Variants in LRFN5 observed in about 807,000 individuals in gnomAD.
The protein encoded by LRFN5 is leucine rich repeat and fibronectin type III domain containing 5.
A neutral mutation model predicts 45.6 loss-of-function variants in LRFN5; 24 were observed. That is an observed-to-expected ratio of 0.53 (90% CI 0.38 to 0.74). The LOEUF is 0.74. LRFN5 is among the 30% of genes least tolerant of loss of function. LRFN5 has a pLI of 0.00. For missense variants in LRFN5, 776 were observed against 861.5 expected (o/e 0.90, Z 1.24); for synonymous variants, 340 against 313.8 (o/e 1.08, Z -0.88).
At chr14:41,894,264 G>C (rs956886626) in intron 4 of LRFN5, 1 of 977,030 alleles carries the variant, frequency 1.0e-6, no homozygotes, top group Non-Finnish European at 1.2e-6. Flanking sequence ...GTATTTTCCA[G>C]TATTTTTAAA....
rs143683834 is a variant in LRFN5 at position 41,780,871 on chromosome 14, A to G, written c.-21+13842A>G. Among the ~76,000 whole-genome samples, 154 of 152,210 alleles carry G rather than the reference A, an allele frequency of 1.0e-3. 2 individuals carry two copies. The East Asian group carries it at 0.012, about 11-fold the overall frequency. The stretch of plus-strand genomic sequence containing the variant: ...TAGTACGGTTGCCCAAGTGTTTATA[A>G]TATACATTTACCATAAATTATTTAC... On this transcript the variant is annotated intron_variant, in intron 2 of 5. Coordinates refer to ENST00000298119, the MANE Select transcript of LRFN5 (RefSeq NM_152447.5).
At chr14:41,794,895 A>G (rs1887063336) in intron 2 of LRFN5, among the ~76,000 whole-genome samples, 1 of 152,006 alleles carries the variant, frequency 6.6e-6, no homozygotes, top group Admixed American at 6.6e-5. Flanking sequence ...TAAGATGCAC[A>G]ATTATTGAAA....
intron 2 of LRFN5, among the ~76,000 whole-genome samples, chr14:41,872,606 G>T (rs575629779): frequency 2.0e-5 from 3 of 152,136 alleles, no homozygotes; most frequent in African/African-American, 7.2e-5. Flanking sequence ...TCCCAGTTTG[G>T]TGCTAGGGTT....
intron 1 of LRFN5, among the ~76,000 whole-genome samples, chr14:41,749,242 A>G (rs186863238): frequency 4.7e-4 from 71 of 152,234 alleles, no homozygotes; most frequent in African/African-American, 1.7e-3. Flanking sequence ...AACAATCCAG[A>G]ATATGTTGTA....
At chr14:41,832,211 A>T (rs183666062) in intron 2 of LRFN5, among the ~76,000 whole-genome samples, 1 of 152,230 alleles carries the variant, frequency 6.6e-6, no homozygotes, top group East Asian at 1.9e-4. Flanking sequence ...GACCCAGAAC[A>T]TTATTCTGGA....
At chr14:41,822,841 A>G (rs1888161763) in intron 2 of LRFN5, among the ~76,000 whole-genome samples, 1 of 116,654 alleles carries the variant, frequency 8.6e-6, no homozygotes, top group African/African-American at 3.5e-5. Context: ...GGTTGCATAT[A>G]TATTTAGGGT....
intron 1 of LRFN5, among the ~76,000 whole-genome samples, chr14:41,647,371 T>A (rs552228226): frequency 6.6e-6 from 1 of 152,320 alleles, no homozygotes; most frequent in South Asian, 2.1e-4. Context: ...GGGCATTTTT[T>A]ATAAATGTTA....
Position 41,887,915 on chromosome 14 carries a change from G to A in LRFN5, c.1290G>A (p.Thr430=), listed in dbSNP as rs771450470. The change falls in exon 3 of 6, where the codon ACG becomes ACA. Residue 430 remains threonine (T), a synonymous_variant. Coordinates refer to ENST00000298119, the MANE Select transcript of LRFN5 (RefSeq NM_152447.5). This position sits in a 1 kb window ranked among gnomAD's most constrained non-coding sequence, Gnocchi z 4.8. The part of the protein sequence containing the change: ...KIVVAEATSS[T]ALLKFNFQRN... Reference sequence around the variant, plus strand: ...TGGTGGCAGAAGCTACATCATCAACGGCACTACTTAAATTTAATTTTCAAA... The same window carrying A: ...TGGTGGCAGAAGCTACATCATCAACAGCACTACTTAAATTTAATTTTCAAA... 39 of 1,613,584 alleles carry A rather than the reference G, an allele frequency of 2.4e-5. 1 individual carries two copies. Among genetic ancestry groups the A allele is most frequent in the South Asian group, 8.8e-5 (8 of 91,072 alleles).
chr14:41,673,228 G>C (rs906751342), intron 1 of LRFN5, among the ~76,000 whole-genome samples: 5 of 151,962 alleles, frequency 3.3e-5, no homozygotes, highest in African/African-American at 1.2e-4. Context: ...ATGAGCTGTT[G>C]GGTACACCTC....
At chr14:41,680,241 T>C (rs959031489) in intron 1 of LRFN5, among the ~76,000 whole-genome samples, 1 of 152,186 alleles carries the variant, frequency 6.6e-6, no homozygotes, top group Non-Finnish European at 1.5e-5. Flanking sequence ...CACTTGCTGA[T>C]TGTAGAGACC....
chr14:41,721,233 T>TCGGG (rs1883700383), intron 1 of LRFN5, among the ~76,000 whole-genome samples: 1 of 152,168 alleles, frequency 6.6e-6, no homozygotes, highest in South Asian at 2.1e-4. Flanking sequence ...CAGATCTTTC[T>TCGGG]CCAACCCTTT....
intron 1 of LRFN5, among the ~76,000 whole-genome samples, chr14:41,658,726 TTTC>T (rs2138633418): frequency 6.6e-6 from 1 of 152,146 alleles, no homozygotes; most frequent in East Asian, 1.9e-4. Context: ...ACTGATTATT[TTTC>T]TTCTTGAAGA....
intron 1 of LRFN5, among the ~76,000 whole-genome samples, chr14:41,689,385 A>G (rs2138701323): frequency 1.3e-5 from 2 of 152,284 alleles, no homozygotes; most frequent in South Asian, 4.1e-4. Flanking sequence ...AGAAAACATG[A>G]CTTTGATTAC....
chr14:41,778,930 G>A (rs973322693), intron 2 of LRFN5, among the ~76,000 whole-genome samples: 9 of 151,678 alleles, frequency 5.9e-5, no homozygotes, highest in Non-Finnish European at 1.2e-4. Flanking sequence ...TTTCTATGTA[G>A]ACAGACGTGT....
chr14:41,781,550 A>G (rs1256332493), intron 2 of LRFN5, among the ~76,000 whole-genome samples: 1 of 133,846 alleles, frequency 7.5e-6, no homozygotes, highest in Non-Finnish European at 1.6e-5. Context: ...AAGGAAGGAG[A>G]AAAGAAAGAG....
At chr14:41,659,765 C>G (rs1167190807) in intron 1 of LRFN5, among the ~76,000 whole-genome samples, 2 of 152,050 alleles carry the variant, frequency 1.3e-5, no homozygotes, top group Non-Finnish European at 2.9e-5. Flanking sequence ...GAGATGATAT[C>G]TCATTGTGGT....
At chr14:41,841,103 A>C (rs942104126) in intron 2 of LRFN5, among the ~76,000 whole-genome samples, 1 of 151,914 alleles carries the variant, frequency 6.6e-6, no homozygotes, top group African/African-American at 2.4e-5. Context: ...TTTCTTCTAC[A>C]ATAGCAATCA....
At chr14:41,633,534 A>G (rs1888621569) in intron 1 of LRFN5, among the ~76,000 whole-genome samples, 1 of 152,166 alleles carries the variant, frequency 6.6e-6, no homozygotes, top group African/African-American at 2.4e-5. Context: ...TGTTTAGTGA[A>G]ACAATCTGCT....
chr14:41,829,204 A>C (rs1433779574), intron 2 of LRFN5, among the ~76,000 whole-genome samples: 2 of 151,970 alleles, frequency 1.3e-5, no homozygotes, highest in Admixed American at 6.6e-5. Context: ...TCTGCATTCT[A>C]TGAAGACAGA....
Sources: gnomAD v4.1 joint callset for allele counts (sites outside exome capture counted in the v4.1 genomes callset) on GRCh38, gnomAD v4.1.1 for gene constraint, Gnocchi (gnomAD v3.1) non-coding constraint, MANE v1.5 for transcripts, NCBI Gene and HGNC (gene_info 2026-07-23, HGNC 2026-07-21) for gene names.